LRRFIP1: variants seen among roughly 807,000 people sequenced by gnomAD.
LRRFIP1 encodes the protein LRR binding FLII interacting protein 1.
LRRFIP1 carries 62 observed loss-of-function variants against 104.4 expected under a neutral mutation model. That is an observed-to-expected ratio of 0.59 (90% CI 0.48 to 0.73). The LOEUF (loss-of-function observed/expected upper bound fraction) is 0.73, where lower values mean the gene tolerates loss of function less well. Ranked by LOEUF, LRRFIP1 falls within the 30% of genes least tolerant of loss-of-function variation. LRRFIP1 has a pLI of 0.00. For synonymous variants in LRRFIP1, 300 were observed against 299.0 expected (o/e 1.00, Z -0.03); for missense variants, 796 against 824.5 (o/e 0.97, Z 0.42).
At chr2:237,761,312 G>A (rs577086590) in intron 19 of LRRFIP1, among the ~76,000 whole-genome samples, 4 of 152,218 alleles carry the variant, frequency 2.6e-5, no homozygotes, top group Non-Finnish European at 5.9e-5. Context: ...GATCACTTAA[G>A]ACCAGGAATT....
At chr2:237,663,539 G>T (rs944522633) in intron 1 of LRRFIP1, among the ~76,000 whole-genome samples, 3 of 152,204 alleles carry the variant, frequency 2.0e-5, no homozygotes, top group African/African-American at 7.2e-5. Context: ...CCTTGATCTT[G>T]GGCTTCACAG....
intron 2 of LRRFIP1, among the ~76,000 whole-genome samples, chr2:237,713,715 A>G (rs2094207701): frequency 6.6e-6 from 1 of 152,268 alleles, no homozygotes; most frequent in Non-Finnish European, 1.5e-5. Context: ...CTCTGAAGCA[A>G]ACGAATATGT....
At chr2:237,673,027 A>G (rs1241498137) in intron 1 of LRRFIP1, among the ~76,000 whole-genome samples, 2 of 152,186 alleles carry the variant, frequency 1.3e-5, no homozygotes, top group Admixed American at 6.5e-5. Flanking sequence ...CTTACCACAC[A>G]CTGTGCTTTC....
intron 16 of LRRFIP1, 81 bp downstream of exon 16, chr2:237,756,268 T>G: frequency 9.8e-7 from 1 of 1,018,140 alleles, no homozygotes; most frequent in Non-Finnish European, 1.5e-6. Flanking sequence ...TAGCTTAGGC[T>G]GCAGTAATAA....
At chr2:237,727,789 T>C in intron 7 of LRRFIP1, 87 bp from the exon 8 acceptor site, 1 of 930,926 alleles carries the variant, frequency 1.1e-6, no homozygotes, top group African/African-American at 1.6e-5. Context: ...GGTCACCTTA[T>C]ACCTGGCTGG....
At chr2:237,767,050 A>T (rs188373531) in intron 19 of LRRFIP1, among the ~76,000 whole-genome samples, 153 of 152,210 alleles carry the variant, frequency 1.0e-3, no homozygotes, top group Non-Finnish European at 1.6e-3. Flanking sequence ...TGGCATGTGC[A>T]TGTAGTCCCA....
intron 1 of LRRFIP1, among the ~76,000 whole-genome samples, chr2:237,696,822 G>A (rs1575566997): frequency 6.6e-6 from 1 of 152,326 alleles, no homozygotes; most frequent in African/African-American, 2.4e-5. Context: ...TGCTTTTGTC[G>A]CTGTTGTCAG....
intron 1 of LRRFIP1, among the ~76,000 whole-genome samples, chr2:237,695,619 G>A (rs2093124538): frequency 1.3e-5 from 2 of 152,126 alleles, no homozygotes; most frequent in South Asian, 4.1e-4. Context: ...AAGCCCCAGA[G>A]GCCATAATGT....
intron 19 of LRRFIP1, among the ~76,000 whole-genome samples, chr2:237,767,200 G>C (rs1234021002): frequency 6.6e-6 from 1 of 152,008 alleles, no homozygotes; most frequent in Non-Finnish European, 1.5e-5. Flanking sequence ...AAAAGAAAAA[G>C]AAAGTTGACT....
chr2:237,768,846 T>A (rs768372091), intron 19 of LRRFIP1: 3 of 152,246 alleles, frequency 2.0e-5, no homozygotes, highest in Non-Finnish European at 4.4e-5. Context: ...TAATCAAGGT[T>A]AGTTTTTCAT....
At chr2:237,630,687 G>A (rs1173536673) in intron 1 of LRRFIP1, among the ~76,000 whole-genome samples, 2 of 152,228 alleles carry the variant, frequency 1.3e-5, no homozygotes, top group African/African-American at 4.8e-5. Context: ...ATTGACAAGG[G>A]GAAGTATATT....
intron 19 of LRRFIP1, chr2:237,762,503 A>G: frequency 1.1e-6 from 1 of 890,358 alleles, no homozygotes; most frequent in Non-Finnish European, 1.7e-6. Flanking sequence ...GTCTTTAGGA[A>G]TAGGGGTGGG....
intron 11 of LRRFIP1, among the ~76,000 whole-genome samples, chr2:237,739,776 G>A (rs1421211321): frequency 6.6e-6 from 1 of 152,130 alleles, no homozygotes; most frequent in Admixed American, 6.5e-5. Context: ...CGTGGCCCAA[G>A]TTTTGTTTCA....
intron 1 of LRRFIP1, among the ~76,000 whole-genome samples, chr2:237,640,871 A>C (rs984720434): frequency 1.3e-5 from 2 of 151,250 alleles, no homozygotes; most frequent in African/African-American, 4.9e-5. Flanking sequence ...CCCCCTTCCA[A>C]CCCCTGGCCT....
intron 19 of LRRFIP1, chr2:237,762,456 G>T: frequency 1.4e-6 from 1 of 702,130 alleles, no homozygotes; most frequent in Non-Finnish European, 2.3e-6. Flanking sequence ...GCACAGAACT[G>T]GCAAAGGCTT....
intron 1 of LRRFIP1, among the ~76,000 whole-genome samples, chr2:237,648,678 C>A (rs767278793): frequency 1.3e-5 from 2 of 151,714 alleles, no homozygotes; most frequent in Non-Finnish European, 2.9e-5. Flanking sequence ...TGATGAGTAA[C>A]AGAAACCATC....
At chr2:237,761,904 C>T (rs144825348) in intron 19 of LRRFIP1, among the ~76,000 whole-genome samples, 11 of 152,160 alleles carry the variant, frequency 7.2e-5, no homozygotes, top group Non-Finnish European at 1.5e-4. Flanking sequence ...AATAATTTAT[C>T]ATTTAATTTA....
Position 237,691,913 on chromosome 2 carries a change from G to T in LRRFIP1, c.97-16631G>T. ...CCTTCCGAGACGGAGCGCGGGGGGC[G>T]GGGCGGGGCTCGCGTTAAGGGAGCG... On this transcript the variant is annotated intron_variant, in intron 1 of 23. Coordinates refer to ENST00000308482, the MANE Select transcript of LRRFIP1 (RefSeq NM_001137550.2). This position sits in a 1 kb window ranked among gnomAD's most constrained non-coding sequence, Gnocchi z 5.4. 6.6e-6 allele frequency among the ~76,000 whole-genome samples: 1 copy of T among 151,266 alleles called. No homozygotes were observed. Among genetic ancestry groups the T allele is most frequent in the Non-Finnish European group, 1.5e-5 (1 of 67,668 alleles).
intron 8 of LRRFIP1, chr2:237,729,944 G>A (rs77155940): frequency 5.9e-6 from 3 of 512,572 alleles, no homozygotes; most frequent in Non-Finnish European, 7.5e-6. Context: ...CTCTTTCGGT[G>A]TCTGTTTGAC....
Sources: gnomAD v4.1 joint callset for allele counts (sites outside exome capture counted in the v4.1 genomes callset) on GRCh38, gnomAD v4.1.1 for gene constraint, Gnocchi (gnomAD v3.1) non-coding constraint, MANE v1.5 for transcripts, NCBI Gene and HGNC (gene_info 2026-07-23, HGNC 2026-07-21) for gene names.